Variants in CASK observed in about 807,000 individuals in gnomAD.
CASK encodes calcium/calmodulin dependent serine protein kinase, also known as peripheral plasma membrane protein CASK.
Under a neutral mutation model 82.9 loss-of-function variants are expected in CASK, and 4 were observed. The ratio of observed to expected loss-of-function variants is 0.05; its 90% CI spans 0.02 to 0.11. The LOEUF is 0.11. Ranked by LOEUF, CASK falls within the 10% of genes least tolerant of loss-of-function variation. The probability of loss-of-function intolerance (pLI) is 1.00; values close to 1 mark genes in which losing one functional copy is unlikely to be tolerated. For missense variants in CASK, 358 were observed against 720.9 expected (o/e 0.50, Z 5.76); for synonymous variants, 259 against 253.5 (o/e 1.02, Z -0.20).
intron 2 of CASK, among the ~76,000 whole-genome samples, chrX:41,803,920 C>T (rs1476770399): frequency 8.9e-6 from 1 of 111,909 alleles, no homozygotes; most frequent in African/African-American, 3.2e-5. Context: ...AGGAGAGACA[C>T]TGCTTTTTTG....
At chrX:41,727,939 G>A in intron 5 of CASK, 1 of 1,181,633 alleles carries the variant, frequency 8.5e-7, no homozygotes, top group Non-Finnish European at 1.2e-6. Context: ...AAGTAGCACA[G>A]ACCCCATTAT....
rs1364660141 is a variant in CASK, at chrX:41,597,809, A to T, written c.1156-8217T>A. On this transcript the variant is annotated intron_variant, in intron 12 of 26. Transcript: ENST00000378163. ...TGGAGATCACAGAAAACTTTGTAAG[A>T]TCTAAAAATCTATTTTTCTTGCTCA... Among the ~76,000 whole-genome samples, 3 of 111,445 alleles carry T rather than the reference A, an allele frequency of 2.7e-5. No individual in the cohort carries two copies. The East Asian group carries it at 8.4e-4, about 31-fold the overall frequency.
chrX:41,738,638 T>C (rs2068542635), intron 5 of CASK, among the ~76,000 whole-genome samples: 2 of 112,138 alleles, frequency 1.8e-5, no homozygotes, highest in African/African-American at 3.2e-5. Context: ...GAACACTATG[T>C]ATGTGCATGC....
At position 41,528,642 on chromosome X, in the gene CASK, C is replaced by T. The variant is rs759735013; in HGVS notation, c.2520+2365G>A. Among the ~76,000 whole-genome samples the T allele has an allele frequency of 3.6e-5, 4 of 112,292 alleles. No homozygotes were observed. The East Asian group carries it at 1.1e-3, about 31-fold the overall frequency. On this transcript the variant is annotated intron_variant, in intron 25 of 26. Coordinates refer to ENST00000378163, the MANE Select transcript of CASK (RefSeq NM_001367721.1). Reference sequence around the variant, plus strand: ...TCTTAGCTCCTGACCCTGTGCTTGACATATAATAAGGGCTTAATACAAGTT... The same window carrying T: ...TCTTAGCTCCTGACCCTGTGCTTGATATATAATAAGGGCTTAATACAAGTT...
rs1188807880 is a variant in CASK at position 41,559,933 on chromosome X, T to A, written c.1669-86A>T. 3.9e-6 allele frequency: 3 copies of A among 763,056 alleles called. No homozygotes were observed. In the African/African-American group the frequency reaches 6.2e-5, roughly 16 times the overall value. The allele number at this position is 763,056 out of a possible 1,213,427, so 62.9% of individuals were successfully genotyped here. A position where few individuals can be genotyped will look rare whatever the true frequency, so the allele number is the denominator to read the frequency against. On this transcript the variant is annotated intron_variant, in intron 17 of 26. Transcript: ENST00000378163. The stretch of plus-strand genomic sequence containing the variant: ...CATGTAAGAAGCCACTCAAAACACA[T>A]GGGGGCAATTAGCACAAGCCATCTG...
intron 3 of CASK, among the ~76,000 whole-genome samples, chrX:41,767,234 A>G (rs1395888360): frequency 1.8e-5 from 2 of 112,162 alleles, no homozygotes; most frequent in East Asian, 5.6e-4. Flanking sequence ...AATGCAGATA[A>G]AAAATACAGT....
intron 16 of CASK, chrX:41,562,391 C>T (rs139982757): frequency 4.5e-4 from 50 of 112,076 alleles, no homozygotes; most frequent in African/African-American, 1.6e-3. Context: ...GGCTTCATTA[C>T]AAAAAGATAC....
At chrX:41,688,151 C>T (rs940256200) in intron 5 of CASK, among the ~76,000 whole-genome samples, 1 of 110,096 alleles carries the variant, frequency 9.1e-6, no homozygotes, top group African/African-American at 3.3e-5. Flanking sequence ...TAAAAATATC[C>T]TGTCCCATAA....
intron 1 of CASK, among the ~76,000 whole-genome samples, chrX:41,882,409 T>C (rs2071968777): frequency 9.0e-6 from 1 of 111,690 alleles, no homozygotes; most frequent in South Asian, 3.7e-4. Context: ...AACTTGACTT[T>C]TGAGACTAAC....
chrX:41,831,956 G>A (rs138330663), intron 2 of CASK, among the ~76,000 whole-genome samples: 2,526 of 109,590 alleles, frequency 0.023, 40 homozygotes, highest in Non-Finnish European at 0.037. Flanking sequence ...GTAAGACTCC[G>A]TCTCAAAATA....
intron 11 of CASK, among the ~76,000 whole-genome samples, chrX:41,615,538 C>T (rs1259057073): frequency 8.9e-6 from 1 of 112,092 alleles, no homozygotes; most frequent in Non-Finnish European, 1.9e-5. Context: ...AAATACTAAT[C>T]AAGTGCCTTT....
At chrX:41,806,786 G>A (rs767657451) in intron 2 of CASK, among the ~76,000 whole-genome samples, 18 of 111,966 alleles carry the variant, frequency 1.6e-4, no homozygotes, top group Non-Finnish European at 2.8e-4. Context: ...AAATGTGTGT[G>A]TATGTATGTG....
chrX:41,904,607 T>A (rs753784847), intron 1 of CASK, among the ~76,000 whole-genome samples: 99 of 111,992 alleles, frequency 8.8e-4, no homozygotes, highest in Non-Finnish European at 1.0e-3. Flanking sequence ...GATCTTTTTT[T>A]TTCCTCTTTC....
At chrX:41,612,675 G>A (rs1338027098) in intron 11 of CASK, among the ~76,000 whole-genome samples, 32 of 89,956 alleles carry the variant, frequency 3.6e-4, no homozygotes, top group African/African-American at 1.4e-3. Flanking sequence ...ACCCCCGCCC[G>A]GCCAGCCGCC....
chrX:41,699,034 C>A (rs2067744582), intron 5 of CASK, among the ~76,000 whole-genome samples: 1 of 110,813 alleles, frequency 9.0e-6, no homozygotes, highest in Non-Finnish European at 1.9e-5. Context: ...TCAAGTGATT[C>A]TCCTGCTTCA....
At position 41,900,739 on chromosome X, in the gene CASK, C is replaced by CTTTT. The variant is rs759671263; in HGVS notation, c.59+22187_59+22190dup. On this transcript the variant is annotated intron_variant, in intron 1 of 26. Coordinates refer to ENST00000378163, the MANE Select transcript of CASK (RefSeq NM_001367721.1). ...GATGATTATTTGATTATTTTGAAATCTTTTTTTTTTTTTTTTTTTTTTTTG... is the reference window on the plus strand; with the variant it reads ...GATGATTATTTGATTATTTTGAAATCTTTTTTTTTTTTTTTTTTTTTTTTTTTTG... Among the ~76,000 whole-genome samples, 40 of 50,152 alleles carry CTTTT rather than the reference C, an allele frequency of 8.0e-4. 1 individual carries two copies. Among genetic ancestry groups the CTTTT allele is most frequent in the African/African-American group, 1.5e-3 (16 of 10,927 alleles). The allele number at this position is 50,152 out of a possible 115,157, so 43.6% of individuals were successfully genotyped here.
intron 14 of CASK, among the ~76,000 whole-genome samples, chrX:41,580,281 A>C: frequency 8.9e-6 from 1 of 112,033 alleles, no homozygotes; most frequent in Non-Finnish European, 1.9e-5. Context: ...CTTGGGCTCA[A>C]GTGAACCTTC....
intron 1 of CASK, among the ~76,000 whole-genome samples, chrX:41,893,645 G>A (rs1041517468): frequency 3.6e-5 from 4 of 112,310 alleles, no homozygotes; most frequent in African/African-American, 1.3e-4. Flanking sequence ...TTCAACGTAT[G>A]CCCCAACCCA....
intron 3 of CASK, among the ~76,000 whole-genome samples, chrX:41,749,707 A>AT (rs1300411033): frequency 9.1e-6 from 1 of 110,255 alleles, no homozygotes; most frequent in Non-Finnish European, 1.9e-5. Flanking sequence ...TTTTCTTATG[A>AT]TTTTTTTCTT....
Sources: gnomAD v4.1 joint callset for allele counts (sites outside exome capture counted in the v4.1 genomes callset) on GRCh38, gnomAD v4.1.1 for gene constraint, MANE v1.5 for transcripts, NCBI Gene and HGNC (gene_info 2026-07-23, HGNC 2026-07-21) for gene names.